Variants in BBS2 observed in about 807,000 individuals in gnomAD.
The protein encoded by BBS2 is Bardet-Biedl syndrome 2, also known as BBSome complex member BBS2.
Under a neutral mutation model 83.0 loss-of-function variants are expected in BBS2, and 62 were observed. That is an observed-to-expected ratio of 0.75 (90% CI 0.61 to 0.92). The LOEUF is 0.92. BBS2 is among the 40% of genes least tolerant of loss of function. The probability of loss-of-function intolerance (pLI) is 0.00; values close to 1 mark genes in which losing one functional copy is unlikely to be tolerated. For synonymous variants in BBS2, 303 were observed against 326.1 expected, an observed-to-expected ratio of 0.93 and a Z score of 0.76; for missense variants, 784 against 901.0, an observed-to-expected ratio of 0.87 and a Z score of 1.66.
At chr16:56,514,928 T>A (rs1964690601) in intron 1 of BBS2, among the ~76,000 whole-genome samples, 1 of 152,188 alleles carries the variant, frequency 6.6e-6, no homozygotes, top group Non-Finnish European at 1.5e-5. Flanking sequence ...AGTCACTGCT[T>A]ACCAGGCCAG....
In BBS2 at chr16:56,500,843, C is replaced by CAA; in HGVS notation, c.1397+9_1397+10dup. The CAA allele has an allele frequency of 6.2e-7, 1 of 1,613,816 alleles. No individual in the cohort carries two copies. Among genetic ancestry groups the CAA allele is most frequent in the South Asian group, 1.1e-5 (1 of 91,060 alleles). On this transcript the variant is annotated intron_variant, in intron 11 of 16. Transcript: ENST00000245157. ...CTGTCCTGAAATGAACTGTGACTTG[C>CAA]AAAGGGTCACCTGCTTCTGTAACCC... is the stretch of plus-strand genomic sequence containing the variant.
chr16:56,501,524 C>T (rs780032693), intron 9 of BBS2, 27 bp from the exon 10 acceptor site: 2 of 1,614,080 alleles, frequency 1.2e-6, no homozygotes, highest in East Asian at 2.2e-5. Flanking sequence ...CCATTTCCTA[C>T]TCAGTCACCA....
At chr16:56,514,050 G>T (rs941264209) in intron 2 of BBS2, among the ~76,000 whole-genome samples, 4 of 152,132 alleles carry the variant, frequency 2.6e-5, no homozygotes, top group Non-Finnish European at 5.9e-5. Context: ...TAACAAATAT[G>T]AATTGCTTGG....
At chr16:56,488,709 C>A (rs898853341) in intron 15 of BBS2, among the ~76,000 whole-genome samples, 10 of 152,222 alleles carry the variant, frequency 6.6e-5, no homozygotes, top group African/African-American at 1.9e-4. Flanking sequence ...TAACTCTCAG[C>A]CCCTCTCCAC....
intron 7 of BBS2, among the ~76,000 whole-genome samples, chr16:56,504,597 T>A (rs1964374194): frequency 6.6e-6 from 1 of 152,230 alleles, no homozygotes. Flanking sequence ...TTTTTCCACT[T>A]ATATAATTTT....
chr16:56,476,126 AC>A (rs1336891222), intron 17 of BBS2: 1 of 1,613,856 alleles, frequency 6.2e-7, no homozygotes, highest in African/African-American at 1.3e-5. Context: ...AAGCATATTA[AC>A]CACCGAAGCC....
chr16:56,514,376 G>T (rs929851968), intron 2 of BBS2, 77 bp downstream of exon 2: 1 of 1,347,882 alleles, frequency 7.4e-7, no homozygotes, highest in South Asian at 1.2e-5. Context: ...CAAAATAAAT[G>T]ATCTGATCTC....
chr16:56,503,549 A>G (rs1964337589), intron 7 of BBS2, among the ~76,000 whole-genome samples: 1 of 152,126 alleles, frequency 6.6e-6, no homozygotes, highest in African/African-American at 2.4e-5. Context: ...CATTTCCAAG[A>G]GAGAGAACAA....
intron 14 of BBS2, 96 bp from the exon 15 acceptor site, chr16:56,497,175 C>T (rs1964138489): frequency 2.4e-6 from 2 of 836,488 alleles, no homozygotes; most frequent in Non-Finnish European, 4.2e-6. Context: ...CAGAGACCCC[C>T]TTCTTTCCCC....
At chr16:56,498,770 C>A in intron 12 of BBS2, 5 of 1,393,324 alleles carry the variant, frequency 3.6e-6, no homozygotes, top group Non-Finnish European at 4.8e-6. Context: ...AGTCACATTC[C>A]CTTTTCTCAC....
chr16:56,470,806 G>C, intron 17 of BBS2: 2 of 1,560,462 alleles, frequency 1.3e-6, no homozygotes, highest in Non-Finnish European at 1.7e-6. Flanking sequence ...GCTGTTGTTA[G>C]GATTTGTCCT....
At chr16:56,476,216 C>T in intron 17 of BBS2, 1 of 1,601,824 alleles carries the variant, frequency 6.2e-7, no homozygotes, top group South Asian at 1.1e-5. Flanking sequence ...CAGCACTGGG[C>T]AAAGCTGAAC....
At chr16:56,516,052 T>C (rs191212004) in intron 1 of BBS2, 1 of 152,360 alleles carries the variant, frequency 6.6e-6, no homozygotes, top group Non-Finnish European at 1.5e-5. Context: ...GGGCTCCATA[T>C]TCATTCTTAC....
chr16:56,499,975 A>G, intron 11 of BBS2, 68 bp from the exon 12 acceptor site: 1 of 1,592,036 alleles, frequency 6.3e-7, no homozygotes, highest in Non-Finnish European at 8.6e-7. Flanking sequence ...TGCAAGGCCC[A>G]GAAAATAAAG....
intron 7 of BBS2, among the ~76,000 whole-genome samples, chr16:56,505,347 C>T (rs887750171): frequency 3.3e-5 from 5 of 152,166 alleles, no homozygotes; most frequent in Admixed American, 6.5e-5. Context: ...TAAGAATTTG[C>T]TGATCCCCTT....
intron 5 of BBS2, chr16:56,509,640 G>C (rs1359272347): frequency 6.1e-6 from 2 of 325,448 alleles, no homozygotes; most frequent in Non-Finnish European, 1.2e-5. Context: ...GCACTACCTG[G>C]CATACAATAG....
chr16:56,492,670 T>A (rs1362120027), intron 15 of BBS2, among the ~76,000 whole-genome samples: 3 of 152,018 alleles, frequency 2.0e-5, no homozygotes, highest in Non-Finnish European at 4.4e-5. Flanking sequence ...AAAATAAAAT[T>A]TAAAAAATAA....
intron 15 of BBS2, among the ~76,000 whole-genome samples, chr16:56,486,325 A>G (rs1476734354): frequency 2.6e-5 from 4 of 152,222 alleles, no homozygotes; most frequent in African/African-American, 7.2e-5. Context: ...TAAACACACA[A>G]TGTATGACCC....
At chr16:56,516,007 T>C (rs1002580264) in intron 1 of BBS2, 5 of 152,212 alleles carry the variant, frequency 3.3e-5, no homozygotes, top group African/African-American at 9.7e-5. Flanking sequence ...AGAAATCCAA[T>C]ATGCTGAGAA....
Sources: allele counts gnomAD v4.1 joint callset (sites outside exome capture counted in the v4.1 genomes callset), GRCh38; gene constraint gnomAD v4.1.1; transcripts MANE v1.5; gene names NCBI Gene and HGNC (gene_info 2026-07-23, HGNC 2026-07-21).